Variants in PLCH2 observed in about 807,000 individuals in gnomAD.
The protein encoded by PLCH2 is 1-phosphatidylinositol 4,5-bisphosphate phosphodiesterase eta-2.
PLCH2 carries 98 observed loss-of-function variants against 134.7 expected under a neutral mutation model. That is an observed-to-expected ratio of 0.73 (90% CI 0.62 to 0.86). The LOEUF is 0.86. Among genes scored for constraint, PLCH2 ranks in the 40% least tolerant of loss-of-function variants. The pLI, the probability that PLCH2 is intolerant of heterozygous loss-of-function variation, is 0.00. For missense variants in PLCH2, 1,994 were observed against 1,986.6 expected, an observed-to-expected ratio of 1.00 and a Z score of -0.07; for synonymous variants, 974 against 827.5, an observed-to-expected ratio of 1.18 and a Z score of -3.04.
chr1:2,503,369 G>GTGGGCAGGTAGTGCAGCTGC (rs1643344627), intron 21 of PLCH2: 6 of 585,808 alleles, frequency 1.0e-5, no homozygotes, highest in Non-Finnish European at 1.8e-5. Context: ...GAAGTCTGAT[G>GTGGGCAGGTAGTGCAGCTGC]TGGGCAGGTA....
intron 1 of PLCH2, among the ~76,000 whole-genome samples, chr1:2,469,028 CT>C (rs1338173309): frequency 6.6e-6 from 1 of 152,210 alleles, no homozygotes; most frequent in African/African-American, 2.4e-5. Context: ...ACCAGGGCTG[CT>C]GGGCAGACAC....
At chr1:2,495,901 T>C (rs3762442) in intron 13 of PLCH2, among the ~76,000 whole-genome samples, 54,985 of 152,034 alleles carry the variant, frequency 0.36, 10,621 homozygotes, top group East Asian at 0.51. Flanking sequence ...AACAAATGCC[T>C]GCCATGAAGT....
Position 2,444,668 on chromosome 1 carries a change from C to T in PLCH2, c.115+14039C>T, listed in dbSNP as rs1334777124. Among the ~76,000 whole-genome samples, 1 of 152,100 alleles carries T rather than the reference C, an allele frequency of 6.6e-6. No homozygotes were observed. The highest frequency in any genetic ancestry group is 1.5e-5 in the Non-Finnish European group (1 of 67,976). ...CCAAGGAGATAAGAGGCTTCCCCTC[C>T]CCTCCGCTCCCCGCCTCCCACACTG... On this transcript the variant is annotated intron_variant, in intron 2 of 3. Coordinates refer to the PLCH2 transcript ENST00000609981. The surrounding 1 kb of genome is among the most constrained non-coding windows in gnomAD (Gnocchi z 4.6).
At chr1:2,480,720 A>G (rs1641917116) in intron 4 of PLCH2, among the ~76,000 whole-genome samples, 1 of 152,226 alleles carries the variant, frequency 6.6e-6, no homozygotes, top group Admixed American at 6.5e-5. Flanking sequence ...TCTGATGCGC[A>G]GCAGCTCGTT....
rs900663974 is a variant in PLCH2, at chr1:2,444,932, G to C, written c.115+14303G>C. On this transcript the variant is annotated intron_variant, in intron 2 of 3. Coordinates refer to the PLCH2 transcript ENST00000609981. This position sits in a 1 kb window ranked among gnomAD's most constrained non-coding sequence, Gnocchi z 4.6. The stretch of plus-strand genomic sequence containing the variant: ...GTCTGATCCTAGAGACTCCTTCAGC[G>C]AGGTGCAGCCTCAGAGGGGATTCAG... Among the ~76,000 whole-genome samples, 5 of 152,122 alleles carry C rather than the reference G, an allele frequency of 3.3e-5. No individual in the cohort carries two copies. The highest frequency in any genetic ancestry group is 1.2e-4 in the African/African-American group (5 of 41,418).
At position 2,486,920 on chromosome 1, in the gene PLCH2, C is replaced by T; in HGVS notation, c.830C>T (p.Thr277Ile). ...GCTCTGGCCTAGATGGCGGGTGTGA[C>T]CCTCGAGAGCTGCCAGGACATCATC... ...LQVEQKMAGV[T>I]LESCQDIIEQ... is the part of the protein sequence containing the mutation. Residue 277 changes from threonine to isoleucine, a missense_variant, in exon 6 of 22, where the codon ACC becomes ATC. Physicochemically the swap from Thr to Ile is moderately conservative, Grantham distance 89 (BLOSUM62 -1). Transcript: ENST00000378486. 6.2e-7 allele frequency: 1 copy of T among 1,605,960 alleles called. No homozygotes were observed. Among genetic ancestry groups the T allele is most frequent in the East Asian group, 2.2e-5 (1 of 44,522 alleles).
At chr1:2,487,444 G>T in intron 7 of PLCH2, 68 bp downstream of exon 7, 2 of 1,489,318 alleles carry the variant, frequency 1.3e-6, no homozygotes, top group Admixed American at 3.7e-5. Context: ...TGCACCTGAG[G>T]AGCCCCCGGG....
intron 21 of PLCH2, chr1:2,503,603 C>A (rs530124359): frequency 1.4e-6 from 1 of 696,416 alleles, no homozygotes; most frequent in Non-Finnish European, 2.6e-6. Context: ...CCCCCACCCA[C>A]GCTGCCTCCG....
chr1:2,432,923 C>T lies in PLCH2; in HGVS notation c.115+2294C>T, dbSNP rs963182200. The stretch of plus-strand genomic sequence containing the variant: ...CTGTGGCAGTGCTCCCTTCTCTTCC[C>T]GGTGCACACACGGGCTGGGTGGAAG... On this transcript the variant is annotated intron_variant, in intron 2 of 3. Transcript: ENST00000609981. Among the ~76,000 whole-genome samples the T allele has an allele frequency of 6.6e-5, 10 of 152,310 alleles. No individual in the cohort carries two copies. The East Asian group carries it at 7.7e-4, about 12-fold the overall frequency.
At chr1:2,454,914 G>A (rs1326618556) in intron 2 of PLCH2, among the ~76,000 whole-genome samples, 1 of 152,188 alleles carries the variant, frequency 6.6e-6, no homozygotes, top group Non-Finnish European at 1.5e-5. Flanking sequence ...ACTGTCACCA[G>A]TGGAGTGTGC....
chr1:2,434,325 G>A (rs186981978), intron 2 of PLCH2, among the ~76,000 whole-genome samples: 31 of 152,342 alleles, frequency 2.0e-4, no homozygotes, highest in East Asian at 5.8e-4. Context: ...CTTCACAGCC[G>A]TTTACAACCT....
intron 1 of PLCH2, 138 bp from the exon 2 acceptor site, chr1:2,478,338 C>T (rs983857390): frequency 1.0e-5 from 11 of 1,050,624 alleles, no homozygotes; most frequent in African/African-American, 1.6e-5. Flanking sequence ...CGGGGCCGGG[C>T]GAGGTGAGGA....
chr1:2,459,369 C>T (rs1249440575), intron 2 of PLCH2, among the ~76,000 whole-genome samples: 7 of 148,548 alleles, frequency 4.7e-5, no homozygotes, highest in Admixed American at 3.3e-4. Context: ...TCCTGGTGGT[C>T]CTCCTTGCCG....
chr1:2,463,495 G>A (rs1011850320), upstream of PLCH2, among the ~76,000 whole-genome samples: 7 of 152,228 alleles, frequency 4.6e-5, no homozygotes, highest in Admixed American at 1.3e-4. Context: ...AGGTCATCGG[G>A]AAGCGTTTCC....
At chr1:2,432,901 TGGCAGTGCTCCCTTCTCTTCCC>T (rs930670837) in intron 2 of PLCH2, among the ~76,000 whole-genome samples, 3 of 152,174 alleles carry the variant, frequency 2.0e-5, no homozygotes, top group Non-Finnish European at 1.5e-5. Context: ...GAGGGGTCTG[TGGCAGTGCTCCCTTCTCTTCCC>T]GGTGCACACA....
chr1:2,466,364 C>T (rs1641056523), upstream of PLCH2, among the ~76,000 whole-genome samples: 1 of 152,202 alleles, frequency 6.6e-6, no homozygotes, highest in African/African-American at 2.4e-5. Flanking sequence ...GGGTCCTAGG[C>T]CACCTGAGTG....
intron 2 of PLCH2, among the ~76,000 whole-genome samples, chr1:2,453,118 G>A (rs570891502): frequency 1.3e-5 from 2 of 152,066 alleles, no homozygotes; most frequent in Non-Finnish European, 2.9e-5. Context: ...GGCCTGGGCC[G>A]CCCATCCCCC....
At chr1:2,478,082 G>A (rs572797029) in intron 1 of PLCH2, among the ~76,000 whole-genome samples, 348 of 152,362 alleles carry the variant, frequency 2.3e-3, no homozygotes, top group African/African-American at 7.7e-3. Context: ...TGCTGGCTCC[G>A]TCTGAGTGGT....
chr1:2,449,699 A>G (rs1030294359), intron 2 of PLCH2, among the ~76,000 whole-genome samples: 2 of 152,174 alleles, frequency 1.3e-5, no homozygotes, highest in African/African-American at 4.8e-5. Context: ...TTGGATCCCA[A>G]ATCTGCAACT....
Sources: allele counts gnomAD v4.1 joint callset (sites outside exome capture counted in the v4.1 genomes callset), GRCh38; gene constraint gnomAD v4.1.1; non-coding constraint Gnocchi (gnomAD v3.1); transcripts MANE v1.5; gene names NCBI Gene and HGNC (gene_info 2026-07-23, HGNC 2026-07-21).